The following ZNF730 variants were observed in gnomAD, a reference collection of about 807,000 sequenced individuals.
The protein encoded by ZNF730 is putative zinc finger protein 730.
In ZNF730, 12 loss-of-function variants were observed where a neutral mutation model predicts 12.6. The observed-to-expected ratio is 0.95, with a 90% CI of 0.61 to 1.54. The LOEUF is 1.54. Ranked by LOEUF, ZNF730 falls within the 40% of genes most tolerant of loss-of-function variation. ZNF730 has a pLI of 0.00. For synonymous variants in ZNF730, 194 were observed against 195.8 expected (o/e 0.99, Z 0.08); for missense variants, 643 against 583.5 (o/e 1.10, Z -1.05).
At chr19:23,127,201 ATTACT>A in intron 1 of ZNF730, 2 of 589,222 alleles carry the variant, frequency 3.4e-6, no homozygotes. Flanking sequence ...TCCGGAAATA[ATTACT>A]CCATCTGCTG....
chr19:23,132,430 A>C (rs1303889150), intron 1 of ZNF730, among the ~76,000 whole-genome samples: 3 of 151,876 alleles, frequency 2.0e-5, no homozygotes, highest in Non-Finnish European at 4.4e-5. Flanking sequence ...TTTTCCTCTT[A>C]AATGAGTTTG....
At chr19:23,103,772 G>A (rs886552126) in intron 1 of ZNF730, among the ~76,000 whole-genome samples, 1 of 151,978 alleles carries the variant, frequency 6.6e-6, no homozygotes, top group Non-Finnish European at 1.5e-5. Flanking sequence ...CTAATATATG[G>A]TATCAATGGT....
At chr19:23,103,216 G>A (rs1452165446) in intron 1 of ZNF730, among the ~76,000 whole-genome samples, 1 of 152,168 alleles carries the variant, frequency 6.6e-6, no homozygotes, top group African/African-American at 2.4e-5. Context: ...AGAATAAAAG[G>A]TGGTTTTGAA....
In ZNF730 at chr19:23,100,043, C is replaced by T. The variant is rs576464972; in HGVS notation, c.-94+24656C>T. ...GTGACTCTCTTGCTTGTGTTCTTCC[C>T]ACTTAGGCTATTGTGACATATGCCT... is the stretch of plus-strand genomic sequence containing the variant. On this transcript the variant is annotated intron_variant, in intron 1 of 2. Transcript: ENST00000593635. The T allele has an allele frequency of 2.6e-5, 4 of 152,284 alleles. No homozygotes were observed. The East Asian group carries it at 7.7e-4, about 29-fold the overall frequency. 9.4% of individuals were successfully genotyped at this position (152,284 alleles called of 1,614,324 possible).
rs575265663 is a variant in ZNF730 at position 23,128,333 on chromosome 19, A to G, written c.4-5747A>G. ...GATGATGAAGATGGTTACAGGAAAC[A>G]GTTCTCTCAATACATAAACAAAAGC... On this transcript the variant is annotated intron_variant, in intron 1 of 3. Transcript: ENST00000597761. 1.2e-5 allele frequency: 7 copies of G among 592,070 alleles called. No individual in the cohort carries two copies. The East Asian group carries it at 1.3e-4, about 11-fold the overall frequency. The allele number at this position is 592,070 out of a possible 1,614,324, so 36.7% of individuals were successfully genotyped here. A position where few individuals can be genotyped will look rare whatever the true frequency, so the allele number is the denominator to read the frequency against.
chr19:23,081,140 T>C (rs554524608), intron 1 of ZNF730, among the ~76,000 whole-genome samples: 1 of 149,196 alleles, frequency 6.7e-6, no homozygotes, highest in Admixed American at 6.6e-5. Flanking sequence ...GCCACCATAC[T>C]AGACCTCTTT....
At chr19:23,097,379 G>A (rs1970270051) in intron 1 of ZNF730, among the ~76,000 whole-genome samples, 1 of 151,904 alleles carries the variant, frequency 6.6e-6, no homozygotes, top group East Asian at 1.9e-4. Flanking sequence ...TGCTTGCTGG[G>A]GGATAATGAT....
intron 2 of ZNF730, among the ~76,000 whole-genome samples, chr19:23,135,660 G>A (rs969323779): frequency 5.9e-5 from 9 of 151,984 alleles, no homozygotes; most frequent in Admixed American, 5.2e-4. Flanking sequence ...ACAGGCGTGT[G>A]CCACCACACC....
upstream of ZNF730, chr19:23,116,889 G>C (rs1040098742): frequency 3.2e-5 from 20 of 622,722 alleles, no homozygotes; most frequent in Middle Eastern, 9.4e-4. Flanking sequence ...ATTCAGTCCA[G>C]CATCTGATCA....
chr19:23,116,674 GC>G (rs967137338), upstream of ZNF730, among the ~76,000 whole-genome samples: 5 of 151,376 alleles, frequency 3.3e-5, 1 homozygote, highest in South Asian at 8.3e-4. Flanking sequence ...ACCCGCCTCG[GC>G]CCCCCAAAGT....
At chr19:23,114,305 C>CTTTCT (rs1970490241), upstream of ZNF730, among the ~76,000 whole-genome samples, 5 of 103,508 alleles carry the variant, frequency 4.8e-5, no homozygotes, top group Non-Finnish European at 5.9e-5. Flanking sequence ...TTTTTCTTTT[C>CTTTCT]TTTTTTTTTT....
intron 1 of ZNF730, chr19:23,128,313 T>C: frequency 1.6e-6 from 1 of 636,168 alleles, no homozygotes; most frequent in South Asian, 1.5e-5. Flanking sequence ...TGAAGGATGA[T>C]GAAGATGGTT....
chr19:23,116,892 TC>T (rs1186059447), upstream of ZNF730: 6 of 626,706 alleles, frequency 9.6e-6, no homozygotes, highest in Non-Finnish European at 1.6e-5. Flanking sequence ...CAGTCCAGCA[TC>T]TGATCACATC....
At chr19:23,095,634 T>A (rs139951686) in intron 1 of ZNF730, 1 of 391,642 alleles carries the variant, frequency 2.6e-6, no homozygotes, top group East Asian at 3.6e-5. Context: ...TCAGAAGCCG[T>A]GGTGGTGTAT....
chr19:23,128,358 C>T (rs60681575), intron 1 of ZNF730: 78,837 of 513,190 alleles, frequency 0.15, 6,451 homozygotes, highest in Non-Finnish European at 0.17. Context: ...TAAACAAAAG[C>T]GTAACTCCAG....
At chr19:23,144,438 T>C (rs1172079259) in intron 3 of ZNF730, among the ~76,000 whole-genome samples, 2 of 152,174 alleles carry the variant, frequency 1.3e-5, no homozygotes, top group Non-Finnish European at 2.9e-5. Context: ...TGGTGGCTCA[T>C]GTCTGTAATC....
rs556123915 is a variant in ZNF730, at chr19:23,085,836, C to CTTTTTTTTTTTTTTTTTTTTT, written c.-94+10456_-94+10476dup. On this transcript the variant is annotated intron_variant, in intron 1 of 2. Transcript: ENST00000593635. ...GACCTATTTCACCCAATTTTTTTTT[C>CTTTTTTTTTTTTTTTTTTTTT]TTTTTTTTTTTTTTTTTTTTTTTTT... Among the ~76,000 whole-genome samples, 27 of 54,856 alleles carry CTTTTTTTTTTTTTTTTTTTTT rather than the reference C, an allele frequency of 4.9e-4. 5 individuals carry two copies. The highest frequency in any genetic ancestry group is 5.8e-4 in the African/African-American group (7 of 12,034). 36.0% of individuals were successfully genotyped at this position (54,856 alleles called of 152,430 possible).
At chr19:23,126,628 C>T in intron 1 of ZNF730, 1 of 499,894 alleles carries the variant, frequency 2.0e-6, no homozygotes, top group South Asian at 1.6e-5. Flanking sequence ...TTACCCTTTG[C>T]ATGCTTCAGT....
intron 1 of ZNF730, among the ~76,000 whole-genome samples, chr19:23,131,363 A>G (rs1970740622): frequency 6.6e-6 from 1 of 152,252 alleles, no homozygotes; most frequent in East Asian, 1.9e-4. Flanking sequence ...AAATCCTGTA[A>G]TGTGCTATCA....
Sources: gnomAD v4.1 joint callset for allele counts (sites outside exome capture counted in the v4.1 genomes callset) on GRCh38, gnomAD v4.1.1 for gene constraint, MANE v1.5 for transcripts, NCBI Gene and HGNC (gene_info 2026-07-23, HGNC 2026-07-21) for gene names.